PREX2: variants seen among roughly 807,000 people sequenced by gnomAD.
PREX2 encodes the protein phosphatidylinositol 3,4,5-trisphosphate-dependent Rac exchanger 2 protein.
In PREX2, 107 loss-of-function variants were observed where a neutral mutation model predicts 203.2. That is an observed-to-expected ratio of 0.53 (90% CI 0.45 to 0.62). The LOEUF is 0.62. PREX2 is among the 20% of genes least tolerant of loss of function. PREX2 has a pLI of 0.00. For missense variants in PREX2, 1,777 were observed against 1,955.9 expected (o/e 0.91, Z 1.72); for synonymous variants, 672 against 663.6 (o/e 1.01, Z -0.19).
intron 15 of PREX2, among the ~76,000 whole-genome samples, chr8:68,080,215 T>G (rs1439795936): frequency 6.6e-6 from 1 of 152,018 alleles, no homozygotes; most frequent in African/African-American, 2.4e-5. Context: ...CTATTTGTTT[T>G]AAAAAATTCA....
At position 68,192,317 on chromosome 8, in the gene PREX2, A is replaced by G; in HGVS notation, c.4414-18A>G. Reference sequence around the variant, plus strand: ...ACTAAACATGTTGAACTTGACGTTCATCACTTTTTTTCTGCAGCTAATGAG... The same window carrying G: ...ACTAAACATGTTGAACTTGACGTTCGTCACTTTTTTTCTGCAGCTAATGAG... On this transcript the variant is annotated intron_variant, in intron 36 of 39. Transcript: ENST00000288368. 1 of 1,567,156 alleles carries G rather than the reference A, an allele frequency of 6.4e-7. No homozygotes were observed. Among genetic ancestry groups the G allele is most frequent in the South Asian group, 1.2e-5 (1 of 85,472 alleles).
chr8:68,221,039 G>A (rs1585873443), intron 38 of PREX2, among the ~76,000 whole-genome samples: 1 of 151,934 alleles, frequency 6.6e-6, no homozygotes, highest in Non-Finnish European at 1.5e-5. Flanking sequence ...TTTGGAGTCC[G>A]CAGTATCTGT....
At chr8:67,997,981 A>G (rs920443930) in intron 1 of PREX2, among the ~76,000 whole-genome samples, 3 of 152,112 alleles carry the variant, frequency 2.0e-5, no homozygotes, top group African/African-American at 7.2e-5. Flanking sequence ...CCTTCTATTC[A>G]TTTGTTCACC....
chr8:68,097,266 C>T lies in PREX2; in HGVS notation c.2553+65C>T, dbSNP rs1585788006. ...ATAAAGGAACTGAAATCCTCCCTCTCCTTCACTTAAAAAAATAAAAATAGC... is the reference window on the plus strand; with the variant it reads ...ATAAAGGAACTGAAATCCTCCCTCTTCTTCACTTAAAAAAATAAAAATAGC... On this transcript the variant is annotated intron_variant, in intron 22 of 39. Transcript: ENST00000288368. 1.9e-5 allele frequency: 25 copies of T among 1,331,678 alleles called. No individual in the cohort carries two copies. In the East Asian group the frequency reaches 5.7e-4, roughly 31 times the overall value. The allele number at this position is 1,331,678 out of a possible 1,614,324, so 82.5% of individuals were successfully genotyped here. A position where few individuals can be genotyped will look rare whatever the true frequency, so the allele number is the denominator to read the frequency against.
chr8:68,004,564 A>C (rs921392090), intron 1 of PREX2, among the ~76,000 whole-genome samples: 1 of 152,254 alleles, frequency 6.6e-6, no homozygotes, highest in African/African-American at 2.4e-5. Context: ...CACTGATAAA[A>C]GGACCATGTC....
chr8:67,966,333 A>G (rs1805778184), intron 1 of PREX2, among the ~76,000 whole-genome samples: 1 of 151,976 alleles, frequency 6.6e-6, no homozygotes, highest in Non-Finnish European at 1.5e-5. Context: ...CCTACAAATT[A>G]TTTCTTTTCC....
intron 31 of PREX2, among the ~76,000 whole-genome samples, chr8:68,133,132 C>T (rs941031229): frequency 2.6e-5 from 4 of 152,052 alleles, no homozygotes; most frequent in South Asian, 4.2e-4. Context: ...TCTTACATGG[C>T]GGCAGGCAAG....
At chr8:68,152,040 A>C (rs550389192) in intron 34 of PREX2, among the ~76,000 whole-genome samples, 1 of 151,928 alleles carries the variant, frequency 6.6e-6, no homozygotes, top group Non-Finnish European at 1.5e-5. Context: ...CTGTAATCCC[A>C]GCACTTTGGG....
chr8:68,113,888 G>A (rs1810586492), intron 25 of PREX2, among the ~76,000 whole-genome samples: 2 of 152,146 alleles, frequency 1.3e-5, no homozygotes, highest in African/African-American at 2.4e-5. Context: ...TTTTGAGACA[G>A]TCTCACTCTG....
intron 13 of PREX2, among the ~76,000 whole-genome samples, chr8:68,070,728 T>G (rs1809169728): frequency 1.3e-5 from 2 of 152,186 alleles, no homozygotes; most frequent in Admixed American, 1.3e-4. Flanking sequence ...TTTCTATTTT[T>G]CACTTTGGTT....
intron 12 of PREX2, 71 bp from the exon 13 acceptor site, chr8:68,069,764 T>G: frequency 1.5e-6 from 1 of 680,870 alleles, no homozygotes; most frequent in Non-Finnish European, 2.5e-6. Context: ...ATTAATTTGT[T>G]ACTTCAAAAT....
In PREX2 at chr8:68,153,662, T is replaced by C. The variant is rs78017346; in HGVS notation, c.4232-3660T>C. On this transcript the variant is annotated intron_variant, in intron 34 of 39. Coordinates refer to ENST00000288368, the MANE Select transcript of PREX2 (RefSeq NM_024870.4). ...ATTCTGGGTTTTTTATAACAATAAATAAACAAGTTGTTTAGCTAAAATAGG... is the reference window on the plus strand; with the variant it reads ...ATTCTGGGTTTTTTATAACAATAAACAAACAAGTTGTTTAGCTAAAATAGG... Among the ~76,000 whole-genome samples the C allele has an allele frequency of 5.3e-5, 8 of 152,300 alleles. No homozygotes were observed. In the East Asian group the frequency reaches 1.5e-3, roughly 29 times the overall value.
intron 21 of PREX2, among the ~76,000 whole-genome samples, chr8:68,095,683 C>T (rs568866342): frequency 1.6e-4 from 24 of 147,490 alleles, no homozygotes; most frequent in African/African-American, 5.3e-4. Flanking sequence ...GGCTAGAGTG[C>T]GGTAGTGTAG....
intron 11 of PREX2, among the ~76,000 whole-genome samples, chr8:68,062,744 T>A (rs1808894785): frequency 1.2e-5 from 1 of 84,968 alleles, no homozygotes; most frequent in African/African-American, 6.3e-5. Context: ...CAATGTCCTA[T>A]TTTTTTTTTT....
chr8:67,997,687 T>C lies in PREX2; in HGVS notation c.142-20159T>C, dbSNP rs190043152. Among the ~76,000 whole-genome samples, 386 of 152,266 alleles carry C rather than the reference T, an allele frequency of 2.5e-3. 1 individual carries two copies. The highest frequency in any genetic ancestry group is 8.7e-3 in the African/African-American group (360 of 41,554). Reference sequence around the variant, plus strand: ...GATATTTGATTGGGCTTGTGGTGAATCTATAGATCAATTTTGGAAAACTCA... The same window carrying C: ...GATATTTGATTGGGCTTGTGGTGAACCTATAGATCAATTTTGGAAAACTCA... On this transcript the variant is annotated intron_variant, in intron 1 of 39. Transcript: ENST00000288368.
intron 24 of PREX2, 30 bp downstream of exon 24, chr8:68,108,361 C>A: frequency 1.9e-6 from 3 of 1,542,050 alleles, no homozygotes; most frequent in Admixed American, 1.7e-5. Flanking sequence ...TTTATCAAAT[C>A]ATGAAAAGCA....
At chr8:68,123,619 T>C in intron 30 of PREX2, among the ~76,000 whole-genome samples, 1 of 151,622 alleles carries the variant, frequency 6.6e-6, no homozygotes, top group East Asian at 1.9e-4. Flanking sequence ...ATAAATACCA[T>C]AACTATGGAC....
chr8:68,097,380 A>G (rs1810117272), intron 22 of PREX2, among the ~76,000 whole-genome samples, 179 bp downstream of exon 22: 1 of 150,712 alleles, frequency 6.6e-6, no homozygotes, highest in South Asian at 2.1e-4. Context: ...GTGAGAGTGC[A>G]GTGGCGTGAT....
intron 37 of PREX2, among the ~76,000 whole-genome samples, chr8:68,198,802 CT>C (rs559466599): frequency 1.8e-4 from 27 of 152,286 alleles, no homozygotes; most frequent in Admixed American, 3.3e-4. Flanking sequence ...CAGTTTTCCC[CT>C]GTAATGACTT....
Sources: allele counts gnomAD v4.1 joint callset (sites outside exome capture counted in the v4.1 genomes callset), GRCh38; gene constraint gnomAD v4.1.1; transcripts MANE v1.5; gene names NCBI Gene and HGNC (gene_info 2026-07-23, HGNC 2026-07-21).